ZBTB20: variants seen among roughly 807,000 people sequenced by gnomAD.
The protein encoded by ZBTB20 is zinc finger and BTB domain containing 20, also known as zinc finger and BTB domain-containing protein 20.
A neutral mutation model predicts 56.9 loss-of-function variants in ZBTB20; 9 were observed. The ratio of observed to expected loss-of-function variants is 0.16; its 90% CI spans 0.10 to 0.28. ZBTB20 has a LOEUF of 0.28. Ranked by LOEUF, ZBTB20 falls within the 10% of genes least tolerant of loss-of-function variation. ZBTB20 has a pLI of 1.00. For missense variants in ZBTB20, 655 were observed against 1,003.0 expected (o/e 0.65, Z 4.69); for synonymous variants, 417 against 420.7 (o/e 0.99, Z 0.11).
At chr3:114,396,947 G>C (rs957638456) in intron 7 of ZBTB20, among the ~76,000 whole-genome samples, 1 of 151,952 alleles carries the variant, frequency 6.6e-6, no homozygotes, top group Non-Finnish European at 1.5e-5. Context: ...TCCACACCCA[G>C]CTATTGAACT....
rs1349947789 is a variant in ZBTB20, at chr3:114,923,065, T to A, written c.-455-22723A>T. Among the ~76,000 whole-genome samples the A allele has an allele frequency of 3.3e-5, 5 of 152,124 alleles. No individual in the cohort carries two copies. In the East Asian group the frequency reaches 9.6e-4, roughly 29 times the overall value. ...TACACTGAAAACTCTTAGACACTGA[T>A]GAAAGAAACTGAAGACAAAAACAAG... On this transcript the variant is annotated intron_variant, in intron 3 of 11. Coordinates refer to ENST00000675478, the MANE Select transcript of ZBTB20 (RefSeq NM_001348800.3).
rs1408829140 is a variant in ZBTB20, at chr3:114,751,870, GATA to G, written c.-343+49228_-343+49230del. On this transcript the variant is annotated intron_variant, in intron 5 of 11. Transcript: ENST00000675478. ...CCAGATTCTTAATGTGTGTTGGAAA[GATA>G]ATATCTCTGACCCGCTCTCAGTAAG... Among the ~76,000 whole-genome samples, 3 of 152,196 alleles carry G rather than the reference GATA, an allele frequency of 2.0e-5. No homozygotes were observed. The East Asian group carries it at 5.8e-4, about 29-fold the overall frequency.
At chr3:114,672,118 G>GA (rs1251387000) in intron 6 of ZBTB20, among the ~76,000 whole-genome samples, 4 of 151,240 alleles carry the variant, frequency 2.6e-5, no homozygotes, top group Admixed American at 6.6e-5. Context: ...ATTAATTCAA[G>GA]AAAAAAAATG....
chr3:115,011,124 G>A (rs1159310586), intron 2 of ZBTB20, among the ~76,000 whole-genome samples: 2 of 151,506 alleles, frequency 1.3e-5, no homozygotes, highest in Non-Finnish European at 2.9e-5. Context: ...AAAGAAAAAA[G>A]AATAAAAAAC....
chr3:114,557,588 T>G (rs2051408811), intron 6 of ZBTB20, among the ~76,000 whole-genome samples: 1 of 151,990 alleles, frequency 6.6e-6, no homozygotes, highest in African/African-American at 2.4e-5. Context: ...AAATTCAACA[T>G]CACTTTAAGT....
chr3:114,609,915 GA>G (rs1209136260), intron 6 of ZBTB20, among the ~76,000 whole-genome samples: 1 of 152,200 alleles, frequency 6.6e-6, no homozygotes, highest in Non-Finnish European at 1.5e-5. Context: ...CTAGCCACAA[GA>G]AAATTAGCAG....
At chr3:114,476,888 A>T (rs2040836844) in intron 7 of ZBTB20, among the ~76,000 whole-genome samples, 1 of 152,230 alleles carries the variant, frequency 6.6e-6, no homozygotes, top group Non-Finnish European at 1.5e-5. Context: ...CCTGGATCAA[A>T]GTCTTACCCC....
At chr3:114,982,822 G>A (rs2078383716) in intron 2 of ZBTB20, among the ~76,000 whole-genome samples, 1 of 151,136 alleles carries the variant, frequency 6.6e-6, no homozygotes, top group Non-Finnish European at 1.5e-5. Flanking sequence ...AAAGTCCAAA[G>A]TTTTTTTTTA....
chr3:115,068,823 T>A (rs927203401), intron 2 of ZBTB20, among the ~76,000 whole-genome samples: 8 of 151,960 alleles, frequency 5.3e-5, no homozygotes, highest in Admixed American at 1.3e-4. Context: ...CTTTATTTTT[T>A]AAAAAATTAG....
Position 114,336,219 on chromosome 3 carries a change from G to A in ZBTB20, c.*2786C>T, listed in dbSNP as rs765606824. 1 of 152,110 alleles carries A rather than the reference G, an allele frequency of 6.6e-6. No homozygotes were observed. Among genetic ancestry groups the A allele is most frequent in the Non-Finnish European group, 1.5e-5 (1 of 68,016 alleles). The allele number at this position is 152,110 out of a possible 1,614,324, so 9.4% of individuals were successfully genotyped here. On this transcript the variant is annotated 3_prime_UTR_variant, in exon 12 of 12. Transcript: ENST00000675478. ...TAGCTTTAAGAGTTTTTTTCTTAAG[G>A]TCAATCTTCTCTTTTCATTTTATGG...
intron 7 of ZBTB20, among the ~76,000 whole-genome samples, chr3:114,486,859 T>A (rs2042206338): frequency 6.6e-6 from 1 of 152,194 alleles, no homozygotes; most frequent in Admixed American, 6.5e-5. Flanking sequence ...TTTAGATGAA[T>A]ATCTTGAAAT....
At chr3:114,628,434 A>T (rs1249180787) in intron 6 of ZBTB20, among the ~76,000 whole-genome samples, 1 of 152,174 alleles carries the variant, frequency 6.6e-6, no homozygotes, top group Non-Finnish European at 1.5e-5. Context: ...GCCTTTCATA[A>T]TAAGAGTCTC....
At chr3:114,883,203 A>G (rs763672532) in intron 4 of ZBTB20, among the ~76,000 whole-genome samples, 2 of 152,202 alleles carry the variant, frequency 1.3e-5, no homozygotes, top group Non-Finnish European at 2.9e-5. Flanking sequence ...CAATAAACAA[A>G]TCTCTACTTG....
intron 5 of ZBTB20, among the ~76,000 whole-genome samples, chr3:114,774,454 A>G (rs755032215): frequency 5.9e-5 from 9 of 152,186 alleles, no homozygotes; most frequent in Non-Finnish European, 1.2e-4. Context: ...CCACGTGAGA[A>G]AATGTACACA....
intron 1 of ZBTB20, among the ~76,000 whole-genome samples, chr3:115,137,890 A>G (rs1283685535): frequency 3.3e-5 from 5 of 152,068 alleles, no homozygotes; most frequent in African/African-American, 1.2e-4. Context: ...GCTACATTGC[A>G]TATCTTTGTC....
chr3:115,102,256 T>G (rs1258556987), intron 1 of ZBTB20, among the ~76,000 whole-genome samples: 3 of 152,132 alleles, frequency 2.0e-5, no homozygotes, highest in African/African-American at 7.2e-5. Flanking sequence ...TAAAAATGAT[T>G]TAACAGTCTC....
chr3:115,040,286 T>C (rs1344306129), intron 2 of ZBTB20, among the ~76,000 whole-genome samples: 2 of 152,128 alleles, frequency 1.3e-5, no homozygotes, highest in Admixed American at 1.3e-4. Flanking sequence ...AGACAAAGCC[T>C]ATGCTTATAA....
intron 6 of ZBTB20, among the ~76,000 whole-genome samples, chr3:114,587,089 C>T (rs1163748442): frequency 6.0e-5 from 9 of 149,760 alleles, no homozygotes; most frequent in East Asian, 4.0e-4. Flanking sequence ...CTCCATCTCC[C>T]GGGTTCAAGC....
In ZBTB20 at chr3:114,942,092, GAAAGGAACCTAGC is replaced by G. The variant is rs537763290; in HGVS notation, c.-456+32261_-456+32273del. ...CCTTATAAATTCCTTTACCCCTTGT[GAAAGGAACCTAGC>G]ACCATTATGACACAGTTAAGCATTA... On this transcript the variant is annotated intron_variant, in intron 3 of 11. Transcript: ENST00000675478. Among the ~76,000 whole-genome samples the G allele has an allele frequency of 2.3e-3, 334 of 145,890 alleles. 63 individuals carry two copies. Among genetic ancestry groups the G allele is most frequent in the African/African-American group, 8.6e-3 (309 of 35,850 alleles).
Sources: gnomAD v4.1 joint callset for allele counts (sites outside exome capture counted in the v4.1 genomes callset) on GRCh38, gnomAD v4.1.1 for gene constraint, MANE v1.5 for transcripts, NCBI Gene and HGNC (gene_info 2026-07-23, HGNC 2026-07-21) for gene names.